DLGAP2: variants seen among roughly 807,000 people sequenced by gnomAD.
DLGAP2 encodes the protein disks large-associated protein 2.
A neutral mutation model predicts 100.3 loss-of-function variants in DLGAP2; 26 were observed. The observed-to-expected ratio is 0.26, with a 90% CI of 0.19 to 0.36. The LOEUF is 0.36. Among genes scored for constraint, DLGAP2 ranks in the 10% least tolerant of loss-of-function variants. The pLI is 1.00. For synonymous variants in DLGAP2, 886 were observed against 630.1 expected (o/e 1.41, Z -6.08); for missense variants, 1,858 against 1,453.2 (o/e 1.28, Z -4.53).
rs536943149 is a variant in DLGAP2 at position 797,636 on chromosome 8, C to T, written c.18+59811C>T. ...ACTTTTGGAGAACTTGGCACACAGC[C>T]CTCATTGATGGCTGCACTGCCTCAT... On this transcript the variant is annotated intron_variant, in intron 1 of 14. Transcript: ENST00000637795. Among the ~76,000 whole-genome samples the T allele has an allele frequency of 1.3e-3, 200 of 152,264 alleles. 1 individual carries two copies. The highest frequency in any genetic ancestry group is 4.7e-3 in the African/African-American group (195 of 41,562).
intron 8 of DLGAP2, among the ~76,000 whole-genome samples, chr8:1,668,119 G>C (rs1421384970): frequency 6.6e-6 from 1 of 152,234 alleles, no homozygotes; most frequent in Non-Finnish European, 1.5e-5. Flanking sequence ...TCTGCAGCTG[G>C]GTTTGCTGGT....
intron 12 of DLGAP2, among the ~76,000 whole-genome samples, chr8:1,686,493 C>T (rs576874297): frequency 3.3e-5 from 5 of 152,132 alleles, no homozygotes; most frequent in African/African-American, 1.2e-4. Flanking sequence ...CATGGTGAAA[C>T]CCTGTCTCAA....
At chr8:908,073 G>T in intron 2 of DLGAP2, 107 bp downstream of exon 2, 1 of 395,140 alleles carries the variant, frequency 2.5e-6, no homozygotes, top group Non-Finnish European at 4.5e-6. Context: ...TTTATTTTGT[G>T]GGTTGTTTTT....
intron 12 of DLGAP2, among the ~76,000 whole-genome samples, chr8:1,689,356 TCTAG>T (rs1799197681): frequency 6.6e-6 from 1 of 152,186 alleles, no homozygotes; most frequent in Non-Finnish European, 1.5e-5. Flanking sequence ...CCTGCATGTG[TCTAG>T]GCAAAACCTC....
chr8:789,814 G>T (rs182334255), intron 1 of DLGAP2, among the ~76,000 whole-genome samples: 114 of 152,298 alleles, frequency 7.5e-4, no homozygotes, highest in African/African-American at 2.6e-3. Context: ...AAAGAGGATT[G>T]TTTCTCTCTC....
chr8:936,401 C>T (rs1387879947), intron 2 of DLGAP2, among the ~76,000 whole-genome samples: 4 of 152,200 alleles, frequency 2.6e-5, no homozygotes, highest in African/African-American at 7.2e-5. Context: ...GATTGCATTG[C>T]CTCCCCTGGG....
intron 1 of DLGAP2, among the ~76,000 whole-genome samples, chr8:742,970 A>G (rs1355093876): frequency 6.6e-6 from 1 of 152,228 alleles, no homozygotes; most frequent in African/African-American, 2.4e-5. Context: ...AGTCTTGACT[A>G]TTTTTATCAT....
chr8:1,377,616 G>A (rs1795989036), intron 3 of DLGAP2, among the ~76,000 whole-genome samples: 1 of 152,204 alleles, frequency 6.6e-6, no homozygotes, highest in African/African-American at 2.4e-5. Flanking sequence ...GGGAGGCAGA[G>A]GACATACCCC....
intron 3 of DLGAP2, among the ~76,000 whole-genome samples, chr8:1,384,532 A>T (rs1166263529): frequency 8.3e-6 from 1 of 120,706 alleles, no homozygotes; most frequent in Non-Finnish European, 1.7e-5. Flanking sequence ...AACTTGGTGC[A>T]CAGTTACCCC....
intron 2 of DLGAP2, among the ~76,000 whole-genome samples, chr8:962,340 C>A (rs1047875403): frequency 2.0e-5 from 3 of 152,190 alleles, no homozygotes; most frequent in African/African-American, 7.2e-5. Context: ...TTAAATTACC[C>A]TCATCAGTGC....
At chr8:1,698,599 T>C (rs1313247560) in intron 14 of DLGAP2, among the ~76,000 whole-genome samples, 1 of 145,944 alleles carries the variant, frequency 6.9e-6, no homozygotes, top group Non-Finnish European at 1.5e-5. Context: ...AAGTAAGCCA[T>C]GCTTGGGACA....
chr8:1,467,212 G>T (rs116556419), intron 3 of DLGAP2, among the ~76,000 whole-genome samples: 1 of 142,734 alleles, frequency 7.0e-6, no homozygotes, highest in Non-Finnish European at 1.5e-5. Context: ...GTCATGCATG[G>T]CTTCTCTGTT....
intron 1 of DLGAP2, among the ~76,000 whole-genome samples, chr8:883,616 G>A (rs1220437821): frequency 7.9e-5 from 12 of 151,692 alleles, no homozygotes; most frequent in African/African-American, 2.4e-4. Flanking sequence ...CGTGTGCCGC[G>A]GCGGTTCGTT....
intron 2 of DLGAP2, among the ~76,000 whole-genome samples, chr8:1,180,001 A>T (rs1405579388): frequency 6.6e-6 from 1 of 152,256 alleles, no homozygotes; most frequent in Non-Finnish European, 1.5e-5. Flanking sequence ...GTTTTATACT[A>T]GCCAGTTAAA....
At position 1,356,127 on chromosome 8, in the gene DLGAP2, G is replaced by A. The variant is rs568788121; in HGVS notation, c.106+97244G>A. Reference sequence around the variant, plus strand: ...TGGGCCCCACTGGGAGTTGACGGACGGTTCGTGTGGACCTCACAGCCCCTG... The same window carrying A: ...TGGGCCCCACTGGGAGTTGACGGACAGTTCGTGTGGACCTCACAGCCCCTG... On this transcript the variant is annotated intron_variant, in intron 3 of 14. Coordinates refer to ENST00000637795, the MANE Select transcript of DLGAP2 (RefSeq NM_001346810.2). Among the ~76,000 whole-genome samples, 57 of 152,274 alleles carry A rather than the reference G, an allele frequency of 3.7e-4. 1 individual carries two copies. Among genetic ancestry groups the A allele is most frequent in the Admixed American group, 2.6e-4 (4 of 15,302 alleles).
At chr8:1,243,640 A>C (rs1798844620) in intron 2 of DLGAP2, among the ~76,000 whole-genome samples, 3 of 152,152 alleles carry the variant, frequency 2.0e-5, no homozygotes, top group Middle Eastern at 3.4e-3. Context: ...AAGAGGATTC[A>C]TGGCACGGTT....
At chr8:1,550,723 T>G (rs1801737287) in intron 5 of DLGAP2, among the ~76,000 whole-genome samples, 1 of 152,228 alleles carries the variant, frequency 6.6e-6, no homozygotes, top group South Asian at 2.1e-4. Context: ...TTCCCTGTTT[T>G]ATGTGATTTC....
At chr8:988,391 G>A (rs140262068) in intron 2 of DLGAP2, among the ~76,000 whole-genome samples, 39 of 152,264 alleles carry the variant, frequency 2.6e-4, no homozygotes, top group African/African-American at 8.2e-4. Flanking sequence ...GAAGCTGCAG[G>A]TAACACTCAG....
chr8:951,411 T>A (rs192369021), intron 2 of DLGAP2, among the ~76,000 whole-genome samples: 1 of 152,086 alleles, frequency 6.6e-6, no homozygotes, highest in Non-Finnish European at 1.5e-5. Flanking sequence ...CACCTGGCTA[T>A]TTTTTTGTTT....
Sources: gnomAD v4.1 joint callset for allele counts (sites outside exome capture counted in the v4.1 genomes callset) on GRCh38, gnomAD v4.1.1 for gene constraint, MANE v1.5 for transcripts, NCBI Gene and HGNC (gene_info 2026-07-23, HGNC 2026-07-21) for gene names.